The following CEP112 variants were observed in gnomAD, a reference collection of about 807,000 sequenced individuals.
CEP112 encodes the protein centrosomal protein 112, also known as centrosomal protein of 112 kDa.
A neutral mutation model predicts 153.0 loss-of-function variants in CEP112; 127 were observed. That is an observed-to-expected ratio of 0.83 (90% CI 0.72 to 0.96). CEP112 has a LOEUF of 0.96. Ranked by LOEUF, CEP112 falls within the 40% of genes least tolerant of loss-of-function variation. CEP112 has a pLI of 0.00. For missense variants in CEP112, 1,089 were observed against 1,101.2 expected, an observed-to-expected ratio of 0.99 and a Z score of 0.16; for synonymous variants, 358 against 374.4, an observed-to-expected ratio of 0.96 and a Z score of 0.51.
intron 20 of CEP112, among the ~76,000 whole-genome samples, chr17:65,901,439 C>A (rs1231685256): frequency 6.6e-6 from 1 of 152,132 alleles, no homozygotes. Flanking sequence ...CACAAAGATA[C>A]ACATCCAATA....
At chr17:65,967,806 C>T (rs2044183) in intron 17 of CEP112, among the ~76,000 whole-genome samples, 72,985 of 151,848 alleles carry the variant, frequency 0.48, 18,533 homozygotes, top group East Asian at 0.89. Context: ...ATAAAACAAA[C>T]TCTAGCTCAG....
At chr17:65,975,397 G>A (rs896534844) in intron 17 of CEP112, among the ~76,000 whole-genome samples, 2 of 152,100 alleles carry the variant, frequency 1.3e-5, no homozygotes, top group Non-Finnish European at 2.9e-5. Context: ...GTATAAGTAT[G>A]GGATATGTGT....
intron 20 of CEP112, among the ~76,000 whole-genome samples, chr17:65,894,984 A>T (rs1425776110): frequency 6.6e-6 from 1 of 152,108 alleles, no homozygotes; most frequent in Non-Finnish European, 1.5e-5. Flanking sequence ...TGTAGTTTGA[A>T]TTATGACTAT....
intron 14 of CEP112, 85 bp from the exon 15 acceptor site, chr17:66,028,490 G>T: frequency 4.7e-6 from 3 of 643,126 alleles, no homozygotes; most frequent in Non-Finnish European, 5.1e-6. Context: ...TATGCCTTTT[G>T]TACCCCTGAA....
At chr17:65,698,502 G>C (rs956957986) in intron 23 of CEP112, among the ~76,000 whole-genome samples, 11 of 152,228 alleles carry the variant, frequency 7.2e-5, no homozygotes, top group African/African-American at 2.2e-4. Context: ...GAGGTTCCAG[G>C]AAAAGAAATC....
rs181216025 is a variant in CEP112, at chr17:66,135,938, T to G, written c.471-3175A>C. On this transcript the variant is annotated intron_variant, in intron 4 of 26. Coordinates refer to ENST00000535342, the MANE Select transcript of CEP112 (RefSeq NM_001199165.4). ...AAGAAAATTACTTTAGGGGGTGACG[T>G]CAGATGTCAGCAAGACTCTCCTTCT... Among the ~76,000 whole-genome samples, 410 of 152,186 alleles carry G rather than the reference T, an allele frequency of 2.7e-3. 1 individual carries two copies. Among genetic ancestry groups the G allele is most frequent in the African/African-American group, 9.4e-3 (391 of 41,532 alleles).
rs548517906 is a variant in CEP112 at position 65,980,175 on chromosome 17, T to C, written c.1737-18577A>G. The stretch of plus-strand genomic sequence containing the variant: ...TTTCACTAAGAATAGAGATATATGG[T>C]TCAAATTACTGTTTCTTCAAAGTCC... On this transcript the variant is annotated intron_variant, in intron 17 of 26. Coordinates refer to ENST00000535342, the MANE Select transcript of CEP112 (RefSeq NM_001199165.4). Among the ~76,000 whole-genome samples, 122 of 152,294 alleles carry C rather than the reference T, an allele frequency of 8.0e-4. No homozygotes were observed. In the Middle Eastern group the frequency reaches 0.014, roughly 17 times the overall value.
intron 17 of CEP112, among the ~76,000 whole-genome samples, chr17:65,963,840 C>T (rs1422044552): frequency 6.6e-6 from 1 of 152,152 alleles, no homozygotes; most frequent in East Asian, 1.9e-4. Flanking sequence ...GTCTATTTAT[C>T]TTTTCATATC....
At chr17:65,689,073 C>T in intron 24 of CEP112, 56 bp downstream of exon 24, 2 of 1,298,332 alleles carry the variant, frequency 1.5e-6, no homozygotes, top group Admixed American at 1.7e-5. Context: ...TGGCTGCACA[C>T]ACTTCTTGAC....
chr17:65,916,713 ATT>A (rs67312385), intron 19 of CEP112, among the ~76,000 whole-genome samples: 27,569 of 147,210 alleles, frequency 0.19, 2,712 homozygotes, highest in Admixed American at 0.29. Context: ...TGCCAGTCTA[ATT>A]TTTTTTTTTT....
intron 19 of CEP112, among the ~76,000 whole-genome samples, chr17:65,902,835 G>A (rs546338113): frequency 6.6e-5 from 10 of 152,154 alleles, no homozygotes; most frequent in African/African-American, 2.2e-4. Context: ...CTATTATCTC[G>A]TTGTCAGCTA....
At chr17:65,888,499 C>CA (rs138858974) in intron 20 of CEP112, among the ~76,000 whole-genome samples, 10 of 149,872 alleles carry the variant, frequency 6.7e-5, no homozygotes, top group Non-Finnish European at 1.5e-4. Flanking sequence ...TTAAGATGAT[C>CA]TTTTTTTTTT....
intron 20 of CEP112, among the ~76,000 whole-genome samples, chr17:65,879,328 G>A (rs1335704008): frequency 1.3e-5 from 2 of 152,224 alleles, no homozygotes; most frequent in Non-Finnish European, 2.9e-5. Context: ...TGGGCCTGTA[G>A]AGGCTGGAAA....
intron 1 of CEP112, among the ~76,000 whole-genome samples, chr17:66,186,320 G>A (rs2072934328): frequency 6.6e-6 from 1 of 151,240 alleles, no homozygotes; most frequent in African/African-American, 2.4e-5. Context: ...TTCGTTTTTT[G>A]AGACAGAATC....
intron 21 of CEP112, among the ~76,000 whole-genome samples, chr17:65,808,737 C>A (rs1453218704): frequency 3.3e-5 from 5 of 152,154 alleles, no homozygotes; most frequent in South Asian, 2.1e-4. Context: ...CCTGAGGCCA[C>A]CCAGTCATGC....
rs551292674 is a variant in CEP112, at chr17:65,852,139, T to C, written c.2164-105A>G. The stretch of plus-strand genomic sequence containing the variant: ...ATAAATGAAATATGAACATATGGAA[T>C]AGAAAGCTTAGATTGCACTCCATCC... On this transcript the variant is annotated intron_variant, in intron 20 of 26. Transcript: ENST00000535342. 8 of 694,908 alleles carry C rather than the reference T, an allele frequency of 1.2e-5. No homozygotes were observed. The African/African-American group carries it at 1.3e-4, about 11-fold the overall frequency. The allele number at this position is 694,908 out of a possible 1,614,324, so 43.0% of individuals were successfully genotyped here. A position where few individuals can be genotyped will look rare whatever the true frequency, so the allele number is the denominator to read the frequency against.
At chr17:65,951,579 T>C (rs1224107573) in intron 18 of CEP112, among the ~76,000 whole-genome samples, 2 of 152,174 alleles carry the variant, frequency 1.3e-5, no homozygotes, top group African/African-American at 2.4e-5. Context: ...TCCTATCCTT[T>C]GACTCCTAAC....
intron 17 of CEP112, among the ~76,000 whole-genome samples, chr17:65,986,663 G>C (rs1184145057): frequency 7.9e-6 from 1 of 127,108 alleles, no homozygotes; most frequent in Non-Finnish European, 1.7e-5. Context: ...AACATACTGA[G>C]AACTATACGA....
At chr17:65,760,612 A>G (rs1462512145) in intron 21 of CEP112, among the ~76,000 whole-genome samples, 2 of 152,130 alleles carry the variant, frequency 1.3e-5, no homozygotes, top group African/African-American at 4.8e-5. Context: ...TGGCTCTGGT[A>G]TATAATTCTT....
Sources: allele counts gnomAD v4.1 joint callset (sites outside exome capture counted in the v4.1 genomes callset), GRCh38; gene constraint gnomAD v4.1.1; transcripts MANE v1.5; gene names NCBI Gene and HGNC (gene_info 2026-07-23, HGNC 2026-07-21).